The following MNAT1 variants were observed in gnomAD, a reference collection of about 807,000 sequenced individuals.
MNAT1 encodes MNAT1 component of CDK activating kinase, also known as CDK-activating kinase assembly factor MAT1.
Under a neutral mutation model 42.0 loss-of-function variants are expected in MNAT1, and 43 were observed. The ratio of observed to expected loss-of-function variants is 1.02; its 90% CI spans 0.80 to 1.32. The LOEUF (loss-of-function observed/expected upper bound fraction) is 1.32, where lower values mean the gene tolerates loss of function less well. Among genes scored for constraint, MNAT1 ranks in the 40% most tolerant of loss-of-function variants. MNAT1 has a pLI of 0.00. For missense variants in MNAT1, 306 were observed against 350.4 expected, an observed-to-expected ratio of 0.87 and a Z score of 1.01; for synonymous variants, 118 against 120.0, an observed-to-expected ratio of 0.98 and a Z score of 0.11.
Position 60,804,364 on chromosome 14 carries a change from C to T in MNAT1, c.317-3961C>T, listed in dbSNP as rs201007581. Reference sequence around the variant, plus strand: ...TCTGAAAACTTTTAAAATAGTAATTCGCTTTTATGGTTCTTTTCTTACTTT... The same window carrying T: ...TCTGAAAACTTTTAAAATAGTAATTTGCTTTTATGGTTCTTTTCTTACTTT... On this transcript the variant is annotated intron_variant, in intron 3 of 7. Coordinates refer to ENST00000261245, the MANE Select transcript of MNAT1 (RefSeq NM_002431.4). Among the ~76,000 whole-genome samples the T allele has an allele frequency of 1.4e-4, 22 of 152,166 alleles. No individual in the cohort carries two copies. In the East Asian group the frequency reaches 4.0e-3, roughly 28 times the overall value.
At chr14:60,911,873 C>T (rs2035374256) in intron 7 of MNAT1, among the ~76,000 whole-genome samples, 1 of 151,894 alleles carries the variant, frequency 6.6e-6, no homozygotes, top group South Asian at 2.1e-4. Flanking sequence ...TCCTGGATAT[C>T]CTTGTTAACT....
chr14:60,812,891 C>T (rs2032597396), intron 5 of MNAT1, among the ~76,000 whole-genome samples: 1 of 152,158 alleles, frequency 6.6e-6, no homozygotes, highest in African/African-American at 2.4e-5. Flanking sequence ...TTTAACCATC[C>T]CTGTGACCTC....
chr14:60,905,543 A>G (rs926295068), intron 7 of MNAT1, among the ~76,000 whole-genome samples: 1 of 152,176 alleles, frequency 6.6e-6, no homozygotes, highest in African/African-American at 2.4e-5. Flanking sequence ...AGAACCAGGG[A>G]AGTTCATAGT....
At chr14:60,836,087 G>C (rs977214768) in intron 6 of MNAT1, among the ~76,000 whole-genome samples, 1 of 152,016 alleles carries the variant, frequency 6.6e-6, no homozygotes, top group African/African-American at 2.4e-5. Context: ...AGCTCCATCA[G>C]GTCATTTATG....
intron 7 of MNAT1, among the ~76,000 whole-genome samples, chr14:60,909,227 T>G (rs1433446638): frequency 6.6e-6 from 1 of 152,210 alleles, no homozygotes; most frequent in Admixed American, 6.5e-5. Flanking sequence ...ATATTAGCCC[T>G]TTGTCAGATG....
At chr14:60,842,134 A>G (rs1340324878) in intron 6 of MNAT1, among the ~76,000 whole-genome samples, 1 of 152,234 alleles carries the variant, frequency 6.6e-6, no homozygotes, top group Non-Finnish European at 1.5e-5. Context: ...TTATTGTAAC[A>G]TAGCCATTCT....
At chr14:60,769,728 C>A (rs1029887080) in intron 1 of MNAT1, among the ~76,000 whole-genome samples, 1 of 152,172 alleles carries the variant, frequency 6.6e-6, no homozygotes, top group East Asian at 1.9e-4. Flanking sequence ...CATCAAGGCT[C>A]ACTGCAACCT....
At chr14:60,923,677 C>G (rs1253636258) in intron 7 of MNAT1, among the ~76,000 whole-genome samples, 1 of 152,040 alleles carries the variant, frequency 6.6e-6, no homozygotes, top group Non-Finnish European at 1.5e-5. Context: ...CAAAAAATCC[C>G]TGGATTAACG....
intron 3 of MNAT1, among the ~76,000 whole-genome samples, chr14:60,807,212 T>C (rs1302356861): frequency 6.6e-6 from 1 of 152,202 alleles, no homozygotes; most frequent in Non-Finnish European, 1.5e-5. Flanking sequence ...AATGAAATTA[T>C]AGATCAAACT....
Position 60,894,243 on chromosome 14 carries a change from A to G in MNAT1, c.809+14408A>G, listed in dbSNP as rs150673727. On this transcript the variant is annotated intron_variant, in intron 7 of 7. Transcript: ENST00000261245. ...TCTACCCCTCCTCCATTGGCACCCA[A>G]TCTTTGCTCCTCCGTAGCAGTGGAG... 1.3e-3 allele frequency among the ~76,000 whole-genome samples: 202 copies of G among 150,032 alleles called. 6 individuals carry two copies. The highest frequency in any genetic ancestry group is 0.011 in the South Asian group (53 of 4,746).
At chr14:60,755,261 A>G (rs909295076) in intron 1 of MNAT1, among the ~76,000 whole-genome samples, 1 of 152,028 alleles carries the variant, frequency 6.6e-6, no homozygotes, top group South Asian at 2.1e-4. Context: ...CTTCTGCCTC[A>G]GCCTCCAGAA....
chr14:60,839,762 G>A (rs1382153629), intron 6 of MNAT1, among the ~76,000 whole-genome samples: 1 of 152,228 alleles, frequency 6.6e-6, no homozygotes, highest in Non-Finnish European at 1.5e-5. Context: ...CACTTGCGGT[G>A]CATCTGATCC....
chr14:60,796,175 G>A, intron 1 of MNAT1, 42 bp from the exon 2 acceptor site: 1 of 1,568,504 alleles, frequency 6.4e-7, no homozygotes, highest in South Asian at 1.2e-5. Context: ...TTGTAGATTT[G>A]AACATTGGCT....
intron 1 of MNAT1, among the ~76,000 whole-genome samples, chr14:60,787,649 C>T (rs1157982187): frequency 6.6e-6 from 1 of 152,172 alleles, no homozygotes; most frequent in Non-Finnish European, 1.5e-5. Flanking sequence ...TCAAACCTTG[C>T]CACAGCTTTA....
chr14:60,739,506 G>T (rs1896405669), intron 1 of MNAT1, among the ~76,000 whole-genome samples: 1 of 152,118 alleles, frequency 6.6e-6, no homozygotes, highest in East Asian at 1.9e-4. Flanking sequence ...TTAACTAGGA[G>T]TTTTACTTAT....
At chr14:60,782,210 G>A (rs1164234737) in intron 1 of MNAT1, among the ~76,000 whole-genome samples, 1 of 151,988 alleles carries the variant, frequency 6.6e-6, no homozygotes, top group Non-Finnish European at 1.5e-5. Context: ...AAGCTAAAAC[G>A]TGATACAATT....
chr14:60,829,916 T>C (rs2033167135), intron 6 of MNAT1, among the ~76,000 whole-genome samples: 1 of 152,068 alleles, frequency 6.6e-6, no homozygotes, highest in Non-Finnish European at 1.5e-5. Flanking sequence ...ATCAGTAGAG[T>C]TTTATCAAGT....
Position 60,740,281 on chromosome 14 carries a change from A to G in MNAT1, c.89+5330A>G, listed in dbSNP as rs1319681499. On this transcript the variant is annotated intron_variant, in intron 1 of 7. Coordinates refer to ENST00000261245, the MANE Select transcript of MNAT1 (RefSeq NM_002431.4). The surrounding 1 kb of genome is among the most constrained non-coding windows in gnomAD (Gnocchi z 4.1). ...ACAAGATAAGCAAAATCAAGTACCT[A>G]CCATCTTGATATATAAAGGCAATGT... Among the ~76,000 whole-genome samples the G allele has an allele frequency of 1.3e-5, 2 of 152,232 alleles. No individual in the cohort carries two copies. The highest frequency in any genetic ancestry group is 2.9e-5 in the Non-Finnish European group (2 of 68,042).
chr14:60,760,050 A>T (rs2030531007), intron 1 of MNAT1, among the ~76,000 whole-genome samples: 1 of 152,186 alleles, frequency 6.6e-6, no homozygotes. Context: ...AGAAACTGAA[A>T]TGTGAAAGAT....
Sources: gnomAD v4.1 joint callset for allele counts (sites outside exome capture counted in the v4.1 genomes callset) on GRCh38, gnomAD v4.1.1 for gene constraint, Gnocchi (gnomAD v3.1) non-coding constraint, MANE v1.5 for transcripts, NCBI Gene and HGNC (gene_info 2026-07-23, HGNC 2026-07-21) for gene names.